The following HMG20A variants were observed in gnomAD, a reference collection of about 807,000 sequenced individuals.
HMG20A encodes the protein high mobility group 20A, also known as high mobility group protein 20A.
In HMG20A, 17 loss-of-function variants were observed where a neutral mutation model predicts 43.9. That is an observed-to-expected ratio of 0.39 (90% confidence interval 0.27 to 0.58). HMG20A has a LOEUF of 0.58. Among genes scored for constraint, HMG20A ranks in the 20% least tolerant of loss-of-function variants. HMG20A has a pLI of 0.59. For synonymous variants in HMG20A, 132 were observed against 147.5 expected (o/e 0.89, Z 0.76); for missense variants, 341 against 438.2 (o/e 0.78, Z 1.98).
the HMG20A span, among the ~76,000 whole-genome samples, chr15:77,506,994 C>A: frequency 6.6e-6 from 1 of 152,226 alleles, no homozygotes; most frequent in South Asian, 2.1e-4. Context: ...CACTTGAATC[C>A]GTAGACTGAG....
chr15:77,461,681 G>A (rs1180937765), intron 2 of HMG20A, among the ~76,000 whole-genome samples: 1 of 152,184 alleles, frequency 6.6e-6, no homozygotes, highest in Non-Finnish European at 1.5e-5. Flanking sequence ...TCATGGGATT[G>A]TGAATTCCCA....
At chr15:77,430,873 A>G (rs1328249642) in intron 1 of HMG20A, among the ~76,000 whole-genome samples, 1 of 152,252 alleles carries the variant, frequency 6.6e-6, no homozygotes, top group Admixed American at 6.5e-5. Flanking sequence ...GAAGAAGTCT[A>G]ACATACATAT....
chr15:77,482,861 A>G (rs1462965189), intron 9 of HMG20A, 109 bp from the exon 10 acceptor site: 1 of 152,228 alleles, frequency 6.6e-6, no homozygotes, highest in African/African-American at 2.4e-5. Context: ...AAACCAAAGC[A>G]TTTTTAAAAT....
the HMG20A span, among the ~76,000 whole-genome samples, chr15:77,507,500 T>A: frequency 5.9e-5 from 9 of 152,084 alleles, no homozygotes; most frequent in Admixed American, 5.9e-4. Context: ...AATGATTTCT[T>A]AGGGAGAAAT....
At chr15:77,421,476 C>T (rs946064176) in intron 1 of HMG20A, among the ~76,000 whole-genome samples, 5 of 152,226 alleles carry the variant, frequency 3.3e-5, no homozygotes, top group Non-Finnish European at 7.3e-5. Flanking sequence ...CTCTATGCAC[C>T]TTTGCAAGAC....
At chr15:77,498,568 T>TTCTGCATGC in the HMG20A span, among the ~76,000 whole-genome samples, 1 of 152,132 alleles carries the variant, frequency 6.6e-6, no homozygotes, top group Non-Finnish European at 1.5e-5. Context: ...GCCGAAGAAG[T>TTCTGCATGC]TCTGCATGCC....
At chr15:77,473,825 T>G (rs2072831344) in intron 6 of HMG20A, among the ~76,000 whole-genome samples, 1 of 152,200 alleles carries the variant, frequency 6.6e-6, no homozygotes, top group Non-Finnish European at 1.5e-5. Context: ...GAGCCAGCAG[T>G]TGTTTCTTAA....
chr15:77,506,041 T>G, the HMG20A span, among the ~76,000 whole-genome samples: 1 of 149,498 alleles, frequency 6.7e-6, no homozygotes, highest in Non-Finnish European at 1.5e-5. Context: ...ATGTAGGATT[T>G]CTACCCCCCC....
At chr15:77,455,746 G>A (rs1265037720) in intron 1 of HMG20A, among the ~76,000 whole-genome samples, 1 of 152,118 alleles carries the variant, frequency 6.6e-6, no homozygotes, top group Admixed American at 6.5e-5. Context: ...TGTGACCTCT[G>A]TACTGGGACA....
the HMG20A span, among the ~76,000 whole-genome samples, chr15:77,518,628 A>G: frequency 2.6e-5 from 4 of 152,188 alleles, no homozygotes; most frequent in Admixed American, 6.5e-5. Flanking sequence ...GTCAGGGTCC[A>G]CAACCGAGCC....
chr15:77,519,549 A>G, the HMG20A span, among the ~76,000 whole-genome samples: 1 of 152,138 alleles, frequency 6.6e-6, no homozygotes, highest in East Asian at 1.9e-4. Context: ...TGTCCTTATA[A>G]AAGAGGCTCA....
chr15:77,498,325 T>C, the HMG20A span, among the ~76,000 whole-genome samples: 1 of 152,198 alleles, frequency 6.6e-6, no homozygotes, highest in African/African-American at 2.4e-5. Context: ...ACGGGCCAGC[T>C]CTTGCTCAGC....
chr15:77,449,087 A>G (rs2073707207), intron 1 of HMG20A, among the ~76,000 whole-genome samples: 2 of 151,974 alleles, frequency 1.3e-5, no homozygotes, highest in Middle Eastern at 3.2e-3. Flanking sequence ...GATCAATAAT[A>G]GTCATAGGAG....
At chr15:77,455,892 A>G (rs2072649805) in intron 1 of HMG20A, among the ~76,000 whole-genome samples, 1 of 152,120 alleles carries the variant, frequency 6.6e-6, no homozygotes, top group Non-Finnish European at 1.5e-5. Context: ...CTTGGGAATC[A>G]TTGTATTTTC....
At chr15:77,426,300 C>T (rs1001095362) in intron 1 of HMG20A, among the ~76,000 whole-genome samples, 2 of 152,092 alleles carry the variant, frequency 1.3e-5, no homozygotes, top group Non-Finnish European at 2.9e-5. Flanking sequence ...TCTGACTCCC[C>T]AAAAAGTTAA....
the HMG20A span, among the ~76,000 whole-genome samples, chr15:77,499,508 C>T: frequency 6.6e-5 from 10 of 152,148 alleles, no homozygotes; most frequent in Non-Finnish European, 1.3e-4. Flanking sequence ...CAGCCCTCCA[C>T]ATCTCATTCA....
chr15:77,464,236 T>G lies in HMG20A; in HGVS notation c.90-4T>G, dbSNP rs769914968. On this transcript the variant is annotated splice_polypyrimidine_tract_variant and splice_region_variant and intron_variant, in intron 2 of 9. Transcript: ENST00000336216. ...TGTTGTTGATACTTCTGCCTATTAT[T>G]CAGGTTAAATCACCCAGAGGTTCCA... 9 of 1,613,146 alleles carry G rather than the reference T, an allele frequency of 5.6e-6. No homozygotes were observed. Among genetic ancestry groups the G allele is most frequent in the Non-Finnish European group, 2.5e-6 (3 of 1,179,494 alleles).
At chr15:77,472,906 C>A (rs903293468) in intron 6 of HMG20A, among the ~76,000 whole-genome samples, 2 of 152,184 alleles carry the variant, frequency 1.3e-5, no homozygotes, top group African/African-American at 2.4e-5. Flanking sequence ...TAGTTTCCAT[C>A]TTTATATCCA....
In HMG20A at chr15:77,467,149, C is replaced by T. The variant is rs1436401285; in HGVS notation, c.292C>T (p.Arg98Ter). Residue 98 changes from arginine to a stop codon, truncating the protein, a stop_gained, in exon 4 of 10, where the codon CGA (arginine) becomes TGA (stop). Transcript: ENST00000336216. LOFTEE classifies it high-confidence loss of function. ...AGGAAGAAAGAGGAAGAAACCTCTT[C>T]GAGACAGCAATGCACCCAAATCCCC... ...SKGRKRKKPL[R>*]DSNAPKSPLT... The T allele has an allele frequency of 2.5e-6, 4 of 1,613,940 alleles. No homozygotes were observed. Among genetic ancestry groups the T allele is most frequent in the South Asian group, 1.1e-5 (1 of 91,076 alleles).
Sources: allele counts gnomAD v4.1 joint callset (sites outside exome capture counted in the v4.1 genomes callset), GRCh38; gene constraint gnomAD v4.1.1; transcripts MANE v1.5; gene names NCBI Gene and HGNC (gene_info 2026-07-23, HGNC 2026-07-21).